Variants in ABCC8 observed in about 807,000 individuals in gnomAD.
ABCC8 encodes the protein ATP binding cassette subfamily C member 8.
In ABCC8, 137 loss-of-function variants were observed where a neutral mutation model predicts 188.0. The observed-to-expected ratio is 0.73, with a 90% CI of 0.63 to 0.84. The LOEUF is 0.84. ABCC8 is among the 40% of genes least tolerant of loss of function. The pLI is 0.00. For synonymous variants in ABCC8, 797 were observed against 846.5 expected (o/e 0.94, Z 1.01); for missense variants, 1,750 against 2,072.7 (o/e 0.84, Z 3.02).
chr11:17,409,988 G>A (rs1345235349), intron 22 of ABCC8, among the ~76,000 whole-genome samples: 1 of 152,154 alleles, frequency 6.6e-6, no homozygotes, highest in African/African-American at 2.4e-5. Flanking sequence ...CTGGGCTCAA[G>A]TGATCCTCTT....
At chr11:17,406,033 G>A (rs1291958650) in intron 26 of ABCC8, among the ~76,000 whole-genome samples, 1 of 152,260 alleles carries the variant, frequency 6.6e-6, no homozygotes, top group African/African-American at 2.4e-5. Context: ...AAACTCATGA[G>A]GCTGGAAAGT....
intron 16 of ABCC8, among the ~76,000 whole-genome samples, chr11:17,421,147 G>C (rs1325924313): frequency 1.3e-5 from 2 of 152,220 alleles, no homozygotes; most frequent in Non-Finnish European, 2.9e-5. Flanking sequence ...CAGGTGCTAG[G>C]CCTTTTCCTT....
At chr11:17,451,022 G>T (rs1479017900) in intron 7 of ABCC8, among the ~76,000 whole-genome samples, 2 of 152,018 alleles carry the variant, frequency 1.3e-5, no homozygotes, top group Admixed American at 1.3e-4. Context: ...GCCAGTATTT[G>T]CTTTTTGTGG....
rs71047553 is a variant in ABCC8 at position 17,450,685 on chromosome 11, C to CTTTTTTTTTT, written c.1177-2024_1177-2015dup. On this transcript the variant is annotated intron_variant, in intron 7 of 38. Transcript: ENST00000389817. Reference sequence around the variant, plus strand: ...GTGCTGGGATTACAGGCATGAGCCACTTTTTTTTTTTTTTTTTTTTTGAGA... The same window carrying CTTTTTTTTTT: ...GTGCTGGGATTACAGGCATGAGCCACTTTTTTTTTTTTTTTTTTTTTTTTTTTTTTTGAGA... Among the ~76,000 whole-genome samples, 37 of 76,726 alleles carry CTTTTTTTTTT rather than the reference C, an allele frequency of 4.8e-4. 1 individual carries two copies. The highest frequency in any genetic ancestry group is 6.6e-4 in the Non-Finnish European group (28 of 42,428). The allele number at this position is 76,726 out of a possible 152,430, so 50.3% of individuals were successfully genotyped here. A position where few individuals can be genotyped will look rare whatever the true frequency, so the allele number is the denominator to read the frequency against.
intron 6 of ABCC8, among the ~76,000 whole-genome samples, chr11:17,457,979 C>T (rs1431116651): frequency 2.6e-5 from 4 of 152,100 alleles, no homozygotes; most frequent in Admixed American, 2.0e-4. Context: ...GAATAGCACT[C>T]GGTTCTCTCT....
At chr11:17,475,201 C>T (rs1222808229) in intron 1 of ABCC8, 174 bp from the exon 2 acceptor site, 3 of 450,816 alleles carry the variant, frequency 6.7e-6, no homozygotes, top group Non-Finnish European at 8.8e-6. Context: ...CAGCCTGGTC[C>T]TATGCTGGTA....
At chr11:17,468,547 G>A (rs1039630593) in intron 3 of ABCC8, among the ~76,000 whole-genome samples, 2 of 152,114 alleles carry the variant, frequency 1.3e-5, no homozygotes, top group Admixed American at 6.6e-5. Flanking sequence ...GCCCCTTGAC[G>A]AGCTAGACTA....
Position 17,414,582 on chromosome 11 carries a change from G to A in ABCC8, c.2320C>T (p.Gln774Ter). The stretch of plus-strand genomic sequence containing the variant: ...GTGGCATTTAGCAGCCATGGTTTCT[G>A]CGAAGCATAGGCCACGGGGCCTCTC... Reference protein sequence around the residue: ...RKRGPVAYASQKPWLLNATVE... With the variant: ...RKRGPVAYAS Residue 774 changes from glutamine (Q) to a stop codon, truncating the protein, a stop_gained, in exon 19 of 39, where the codon CAG becomes TAG. Transcript: ENST00000389817. LOFTEE classifies it high-confidence loss of function. 1 of 1,614,246 alleles carries A rather than the reference G, an allele frequency of 6.2e-7. No individual in the cohort carries two copies. Among genetic ancestry groups the A allele is most frequent in the South Asian group, 1.1e-5 (1 of 91,090 alleles).
intron 6 of ABCC8, among the ~76,000 whole-genome samples, chr11:17,454,450 C>T (rs1416322134): frequency 1.3e-5 from 2 of 152,118 alleles, no homozygotes; most frequent in African/African-American, 2.4e-5. Context: ...CTGAGGGATG[C>T]GTGCAAGACT....
chr11:17,440,673 A>G (rs886293), intron 10 of ABCC8, among the ~76,000 whole-genome samples: 112,041 of 152,244 alleles, frequency 0.74, 42,184 homozygotes, highest in African/African-American at 0.86. Flanking sequence ...CATGGCTTGC[A>G]CCATGTATGG....
At chr11:17,450,105 T>C (rs1341615173) in intron 7 of ABCC8, among the ~76,000 whole-genome samples, 1 of 152,222 alleles carries the variant, frequency 6.6e-6, no homozygotes, top group East Asian at 1.9e-4. Context: ...GGAATTGTGC[T>C]TAATAACTTT....
Position 17,427,250 on chromosome 11 carries a change from G to C in ABCC8, c.2117-96C>G, listed in dbSNP as rs1282428361. ...GACAGACAGATGCACCCAACCCTGGGGCCCCTGTTTTCTTTCTTCCTACCT... is the reference window on the plus strand; with the variant it reads ...GACAGACAGATGCACCCAACCCTGGCGCCCCTGTTTTCTTTCTTCCTACCT... On this transcript the variant is annotated intron_variant, in intron 15 of 38. Coordinates refer to ENST00000389817, the MANE Select transcript of ABCC8 (RefSeq NM_000352.6). The surrounding 1 kb of genome is among the most constrained non-coding windows in gnomAD (Gnocchi z 5.0). 1 of 1,387,610 alleles carries C rather than the reference G, an allele frequency of 7.2e-7. No individual in the cohort carries two copies. Among genetic ancestry groups the C allele is most frequent in the Non-Finnish European group, 9.3e-7 (1 of 1,071,538 alleles). The allele number at this position is 1,387,610 out of a possible 1,614,324, so 86.0% of individuals were successfully genotyped here. A position where few individuals can be genotyped will look rare whatever the true frequency, so the allele number is the denominator to read the frequency against.
rs1591832463 is a variant in ABCC8, at chr11:17,442,733, A to G, written c.1617T>C (p.Tyr539=). 6.2e-7 allele frequency: 1 copy of G among 1,613,662 alleles called. No individual in the cohort carries two copies. The highest frequency in any genetic ancestry group is 8.5e-7 in the Non-Finnish European group (1 of 1,180,020). ...GGGTGAACTCACTGGAGATGGAGGT[A>G]TAGATGGCAAAGGCCCTGAGGCTGG... ...EMTSLRAFAI[Y]TSISIFMNTA... The change falls in exon 10 of 39, where the codon TAT becomes TAC. Residue 539 remains tyrosine (Y), a synonymous_variant. Coordinates refer to ENST00000389817, the MANE Select transcript of ABCC8 (RefSeq NM_000352.6).
chr11:17,476,789 G>GCGGGCTGGGCT lies in ABCC8; in HGVS notation c.-24_-14dup, dbSNP rs1848813329. 6.5e-7 allele frequency: 1 copy of GCGGGCTGGGCT among 1,541,254 alleles called. No individual in the cohort carries two copies. The highest frequency in any genetic ancestry group is 1.4e-5 in the African/African-American group (1 of 71,280). On this transcript the variant is annotated 5_prime_UTR_variant, in exon 1 of 39. Coordinates refer to ENST00000389817, the MANE Select transcript of ABCC8 (RefSeq NM_000352.6). ...AGGCCAGGGGCATGGCGGCGCGGGC[G>GCGGGCTGGGCT]CGGGCTGGGCTCGGGCTCAGCTGGC...
intron 6 of ABCC8, among the ~76,000 whole-genome samples, chr11:17,458,953 AC>A (rs1957091521): frequency 6.6e-6 from 1 of 152,100 alleles, no homozygotes; most frequent in African/African-American, 2.4e-5. Flanking sequence ...TTCTCTCCTC[AC>A]TGTTGGATTT....
intron 10 of ABCC8, among the ~76,000 whole-genome samples, chr11:17,434,988 T>C (rs77719521): frequency 0.022 from 2,811 of 125,020 alleles, 67 homozygotes; most frequent in African/African-American, 0.068. Flanking sequence ...TGTTCGCGTG[T>C]GTGTGTGTGT....
At chr11:17,413,864 G>C (rs1954936864) in intron 19 of ABCC8, among the ~76,000 whole-genome samples, 1 of 152,154 alleles carries the variant, frequency 6.6e-6, no homozygotes, top group Admixed American at 6.5e-5. Flanking sequence ...TGCCCAGCCT[G>C]TTCCTCTCAT....
intron 16 of ABCC8, among the ~76,000 whole-genome samples, chr11:17,424,723 C>T (rs563768094): frequency 6.6e-6 from 1 of 152,362 alleles, no homozygotes; most frequent in South Asian, 2.1e-4. Flanking sequence ...AGCCCAGATC[C>T]AGCCTGACCA....
At chr11:17,451,191 C>CATA (rs1268520409) in intron 7 of ABCC8, among the ~76,000 whole-genome samples, 5 of 152,060 alleles carry the variant, frequency 3.3e-5, no homozygotes, top group Non-Finnish European at 7.3e-5. Context: ...ACAAAACTGC[C>CATA]CAACCACAAA....
Sources: allele counts gnomAD v4.1 joint callset (sites outside exome capture counted in the v4.1 genomes callset), GRCh38; gene constraint gnomAD v4.1.1; non-coding constraint Gnocchi (gnomAD v3.1); transcripts MANE v1.5; gene names NCBI Gene and HGNC (gene_info 2026-07-23, HGNC 2026-07-21).